Variants in PCDHGB1 observed in about 807,000 individuals in gnomAD.
The protein encoded by PCDHGB1 is protocadherin gamma subfamily B, 1, also known as protocadherin gamma-B1.
PCDHGB1 carries 34 observed loss-of-function variants against 56.6 expected under a neutral mutation model. That is an observed-to-expected ratio of 0.60 (90% CI 0.46 to 0.80). The LOEUF (loss-of-function observed/expected upper bound fraction) is 0.80. PCDHGB1 is among the 30% of genes least tolerant of loss of function. The probability of loss-of-function intolerance (pLI) is 0.00; values close to 1 mark genes in which losing one functional copy is unlikely to be tolerated. For synonymous variants in PCDHGB1, 561 were observed against 505.9 expected (o/e 1.11, Z -1.46); for missense variants, 1,278 against 1,204.6 (o/e 1.06, Z -0.90).
At chr5:141,415,475 C>T in intron 1 of PCDHGB1, 1 of 1,614,162 alleles carries the variant, frequency 6.2e-7, no homozygotes, top group Non-Finnish European at 8.5e-7. Flanking sequence ...ACCGCGGACT[C>T]GCGAAAGAGT....
intron 1 of PCDHGB1, chr5:141,370,874 T>A (rs369229257): frequency 1.2e-6 from 2 of 1,613,942 alleles, no homozygotes; most frequent in African/African-American, 2.7e-5. Context: ...CGCAAGATCC[T>A]GATGTAGGTG....
Position 141,351,542 on chromosome 5 carries a change from C to T in PCDHGB1, c.1282C>T (p.Leu428Phe), listed in dbSNP as rs1758747155. ...IIATDKGKPA[L>F]SSRTSITLHI... Reference sequence around the variant, plus strand: ...AGCCACCGACAAGGGCAAACCAGCCCTTTCCTCCAGGACAAGCATCACCCT... The same window carrying T: ...AGCCACCGACAAGGGCAAACCAGCCTTTTCCTCCAGGACAAGCATCACCCT... The change falls in exon 1 of 4, where the codon CTT (leucine) becomes TTT (phenylalanine). Residue 428 changes from leucine (L) to phenylalanine (F), a missense_variant. By Grantham distance (22) the Leu-to-Phe change is conservative (BLOSUM62 0). Coordinates refer to ENST00000523390, the MANE Select transcript of PCDHGB1 (RefSeq NM_018922.3). 2 of 1,613,944 alleles carry T rather than the reference C, an allele frequency of 1.2e-6. No individual in the cohort carries two copies. Among genetic ancestry groups the T allele is most frequent in the South Asian group, 1.1e-5 (1 of 91,086 alleles).
At position 141,489,910 on chromosome 5, in the gene PCDHGB1, G is replaced by T; in HGVS notation, c.2410-4897G>T. ...GGATGGGGGGACCCCAGCCCGCTCA[G>T]GGACCACCCTTATCTCTGTCATCGT... On this transcript the variant is annotated intron_variant, in intron 1 of 3. Transcript: ENST00000523390. This position sits in a 1 kb window ranked among gnomAD's most constrained non-coding sequence, Gnocchi z 4.5. 1 of 1,614,226 alleles carries T rather than the reference G, an allele frequency of 6.2e-7. No homozygotes were observed. The highest frequency in any genetic ancestry group is 8.5e-7 in the Non-Finnish European group (1 of 1,180,030).
At chr5:141,372,956 T>C in intron 1 of PCDHGB1, 1 of 730,732 alleles carries the variant, frequency 1.4e-6, no homozygotes, top group Non-Finnish European at 2.1e-6. Flanking sequence ...GGAAATTCTT[T>C]GTAGAATTTC....
chr5:141,353,819 G>T (rs149485600), intron 1 of PCDHGB1, among the ~76,000 whole-genome samples: 1 of 152,006 alleles, frequency 6.6e-6, no homozygotes, highest in Admixed American at 6.6e-5. Context: ...TCAATCATCC[G>T]CAGTTTGTGC....
At chr5:141,393,592 G>C in intron 1 of PCDHGB1, 1 of 1,613,908 alleles carries the variant, frequency 6.2e-7, no homozygotes, top group Non-Finnish European at 8.5e-7. Context: ...CCAGGCACGC[G>C]GCTGCTTACT....
chr5:141,357,246 A>G, intron 1 of PCDHGB1: 1 of 1,613,736 alleles, frequency 6.2e-7, no homozygotes, highest in Non-Finnish European at 8.5e-7. Flanking sequence ...AGCCTTCAGC[A>G]GACCCAGACG....
intron 1 of PCDHGB1, among the ~76,000 whole-genome samples, chr5:141,381,826 C>CTT (rs770630741): frequency 0.12 from 9,186 of 74,154 alleles, 568 homozygotes; most frequent in African/African-American, 0.16. Context: ...CTTTCTTCTT[C>CTT]TTTTTTTTTT....
chr5:141,386,921 A>G (rs2090747482), intron 1 of PCDHGB1, among the ~76,000 whole-genome samples: 1 of 152,228 alleles, frequency 6.6e-6, no homozygotes. Flanking sequence ...GGAATGTAAA[A>G]TAAGTGCAGA....
chr5:141,392,640 A>T, intron 1 of PCDHGB1: 1 of 651,284 alleles, frequency 1.5e-6, no homozygotes, highest in Non-Finnish European at 2.5e-6. Context: ...CTCACACCTC[A>T]CGAAGACCCG....
At chr5:141,399,298 A>T (rs1451298331) in intron 1 of PCDHGB1, 1 of 1,613,850 alleles carries the variant, frequency 6.2e-7, no homozygotes, top group Non-Finnish European at 8.5e-7. Flanking sequence ...TTTTAAGATT[A>T]TCTCTTCATC....
chr5:141,390,601 C>T, intron 1 of PCDHGB1: 1 of 317,490 alleles, frequency 3.1e-6, no homozygotes. Context: ...TTTTCCTATA[C>T]ATTTTCCTTC....
Position 141,432,726 on chromosome 5 carries a change from C to T in PCDHGB1, c.2410-62081C>T, listed in dbSNP as rs777248611. The T allele has an allele frequency of 3.1e-6, 5 of 1,614,092 alleles. No homozygotes were observed. Among genetic ancestry groups the T allele is most frequent in the Non-Finnish European group, 3.4e-6 (4 of 1,179,998 alleles). On this transcript the variant is annotated intron_variant, in intron 1 of 3. Coordinates refer to ENST00000523390, the MANE Select transcript of PCDHGB1 (RefSeq NM_018922.3). This position sits in a 1 kb window ranked among gnomAD's most constrained non-coding sequence, Gnocchi z 6.0. ...GACCACGGCCAGCCCCCTCTCTCCG[C>T]CACTGTCACGCTCACCGTGGCCGTG...
chr5:141,434,667 G>T (rs1464226862), intron 1 of PCDHGB1, among the ~76,000 whole-genome samples: 3 of 152,074 alleles, frequency 2.0e-5, no homozygotes, highest in East Asian at 3.9e-4. Context: ...CTATAGAAAT[G>T]ATGCTAATGA....
chr5:141,371,874 A>G, intron 1 of PCDHGB1: 2 of 1,613,474 alleles, frequency 1.2e-6, no homozygotes, highest in Non-Finnish European at 1.7e-6. Flanking sequence ...CATCGTGGCC[A>G]GTGACCTGGA....
At chr5:141,425,069 A>C (rs771114613) in intron 1 of PCDHGB1, among the ~76,000 whole-genome samples, 30 of 152,170 alleles carry the variant, frequency 2.0e-4, no homozygotes, top group Non-Finnish European at 4.1e-4. Context: ...GACAAAAATA[A>C]TTTCAACTGT....
At chr5:141,403,342 C>T (rs766669117) in intron 1 of PCDHGB1, 4 of 1,613,976 alleles carry the variant, frequency 2.5e-6, no homozygotes, top group African/African-American at 1.3e-5. Context: ...ACGACAGCGC[C>T]CCAAAGTTCC....
At chr5:141,508,244 C>A (rs1278674173) in intron 3 of PCDHGB1, 1 of 152,314 alleles carries the variant, frequency 6.6e-6, no homozygotes, top group Non-Finnish European at 1.5e-5. Context: ...CTAAGTCTGC[C>A]TCTCCTGGGA....
intron 1 of PCDHGB1, chr5:141,402,822 C>G (rs1038768509): frequency 7.7e-7 from 1 of 1,302,260 alleles, no homozygotes; most frequent in African/African-American, 1.5e-5. Flanking sequence ...CAAACCTGCT[C>G]CCAGGCTGCA....
Sources: allele counts gnomAD v4.1 joint callset (sites outside exome capture counted in the v4.1 genomes callset), GRCh38; gene constraint gnomAD v4.1.1; non-coding constraint Gnocchi (gnomAD v3.1); transcripts MANE v1.5; gene names NCBI Gene and HGNC (gene_info 2026-07-23, HGNC 2026-07-21).